The following CDH8 variants were observed in gnomAD, a reference collection of about 807,000 sequenced individuals.
CDH8 encodes the protein cadherin-8.
In CDH8, 17 loss-of-function variants were observed where a neutral mutation model predicts 68.1. The ratio of observed to expected loss-of-function variants is 0.25; its 90% CI spans 0.17 to 0.37. CDH8 has a LOEUF of 0.37. Ranked by LOEUF, CDH8 falls within the 10% of genes least tolerant of loss-of-function variation. The pLI is 1.00. For synonymous variants in CDH8, 372 were observed against 365.1 expected, an observed-to-expected ratio of 1.02 and a Z score of -0.21; for missense variants, 763 against 999.3, an observed-to-expected ratio of 0.76 and a Z score of 3.19.
intron 2 of CDH8, among the ~76,000 whole-genome samples, chr16:61,974,899 G>A (rs1000683972): frequency 5.3e-5 from 8 of 152,126 alleles, no homozygotes; most frequent in African/African-American, 1.9e-4. Flanking sequence ...TTCCTGATAA[G>A]AACATATGGA....
chr16:61,906,720 G>A (rs1964068899), intron 2 of CDH8, among the ~76,000 whole-genome samples: 1 of 152,060 alleles, frequency 6.6e-6, no homozygotes, highest in Admixed American at 6.6e-5. Context: ...ATAAAGGAAT[G>A]GAAAGAAAGG....
chr16:61,965,545 C>A (rs554306276), intron 2 of CDH8, among the ~76,000 whole-genome samples: 1 of 152,284 alleles, frequency 6.6e-6, no homozygotes, highest in African/African-American at 2.4e-5. Flanking sequence ...GTTTCTATGG[C>A]TCTCAGAAAA....
intron 2 of CDH8, among the ~76,000 whole-genome samples, chr16:61,977,832 T>TTAAAA (rs1736844308): frequency 6.6e-6 from 1 of 152,186 alleles, no homozygotes; most frequent in African/African-American, 2.4e-5. Flanking sequence ...TTTAAAAATT[T>TTAAAA]CTTCACAACC....
At chr16:61,920,856 A>C (rs1185786657) in intron 2 of CDH8, among the ~76,000 whole-genome samples, 1 of 107,430 alleles carries the variant, frequency 9.3e-6, no homozygotes, top group African/African-American at 3.7e-5. Flanking sequence ...AACCAACCCA[A>C]ATGTCCAACA....
In CDH8 at chr16:61,652,002, A is replaced by T; in HGVS notation, c.*1606T>A. 7 of 775,782 alleles carry T rather than the reference A, an allele frequency of 9.0e-6. No individual in the cohort carries two copies. Among genetic ancestry groups the T allele is most frequent in the Non-Finnish European group, 1.1e-5 (7 of 638,988 alleles). The allele number at this position is 775,782 out of a possible 1,614,324, so 48.1% of individuals were successfully genotyped here. A position where few individuals can be genotyped will look rare whatever the true frequency, so the allele number is the denominator to read the frequency against. On this transcript the variant is annotated 3_prime_UTR_variant, in exon 12 of 12. Transcript: ENST00000577390. ...CCACTGATTGAAAAAAAAATTAATG[A>T]CAACAAAGGTATTTATAAAAATATA...
rs8050100 is a variant in CDH8 at position 62,032,898 on chromosome 16, C to G, written c.-200+3182G>C. Reference sequence around the variant, plus strand: ...AGCATTAATTTACCTACATTGATGACGTTTTCTGAACAGCTGTTGAAGTGT... The same window carrying G: ...AGCATTAATTTACCTACATTGATGAGGTTTTCTGAACAGCTGTTGAAGTGT... On this transcript the variant is annotated intron_variant, in intron 1 of 11. Transcript: ENST00000577390. 8.7e-3 allele frequency among the ~76,000 whole-genome samples: 1,322 copies of G among 152,168 alleles called. 17 individuals carry two copies. Among genetic ancestry groups the G allele is most frequent in the African/African-American group, 0.03 (1,228 of 41,512 alleles).
At chr16:61,744,192 G>A (rs556606247) in intron 8 of CDH8, among the ~76,000 whole-genome samples, 2 of 152,000 alleles carry the variant, frequency 1.3e-5, no homozygotes, top group Admixed American at 6.6e-5. Flanking sequence ...CTCTATCTTC[G>A]GTTTTTCGGT....
intron 2 of CDH8, among the ~76,000 whole-genome samples, chr16:61,922,128 TC>T (rs1964379452): frequency 6.6e-6 from 1 of 152,204 alleles, no homozygotes. Flanking sequence ...AGTCTCAATT[TC>T]TATTGTTGTG....
intron 2 of CDH8, among the ~76,000 whole-genome samples, chr16:61,987,775 G>C (rs1190854065): frequency 6.6e-6 from 1 of 150,752 alleles, no homozygotes; most frequent in Non-Finnish European, 1.5e-5. Context: ...TCTGAAAATC[G>C]TTCATCCGTA....
chr16:61,714,775 A>G (rs954119333), intron 9 of CDH8, among the ~76,000 whole-genome samples: 1 of 151,674 alleles, frequency 6.6e-6, no homozygotes, highest in African/African-American at 2.4e-5. Context: ...TAATGTAGGA[A>G]AAGTTTGAAT....
At position 61,847,904 on chromosome 16, in the gene CDH8, G is replaced by C. The variant is rs200207483; in HGVS notation, c.667+9215C>G. On this transcript the variant is annotated intron_variant, in intron 4 of 11. Transcript: ENST00000577390. ...CTACACACACACACACACACACACA[G>C]ACAAACACACACACACACACTTTTT... is the stretch of plus-strand genomic sequence containing the variant. Among the ~76,000 whole-genome samples, 593 of 96,314 alleles carry C rather than the reference G, an allele frequency of 6.2e-3. 8 individuals are homozygous for C. The highest frequency in any genetic ancestry group is 0.019 in the Admixed American group (196 of 10,312). The allele number at this position is 96,314 out of a possible 152,430, so 63.2% of individuals were successfully genotyped here.
At chr16:61,989,885 T>G (rs2150588382) in intron 2 of CDH8, among the ~76,000 whole-genome samples, 1 of 152,270 alleles carries the variant, frequency 6.6e-6, no homozygotes, top group South Asian at 2.1e-4. Context: ...GCCCGTGAAT[T>G]TTGTCTTTGG....
intron 2 of CDH8, among the ~76,000 whole-genome samples, chr16:61,942,573 T>C (rs1188386121): frequency 6.6e-6 from 1 of 152,150 alleles, no homozygotes; most frequent in African/African-American, 2.4e-5. Flanking sequence ...TTGATTCACA[T>C]AGTGACCTAT....
intron 2 of CDH8, among the ~76,000 whole-genome samples, chr16:61,939,978 C>T (rs1356654924): frequency 2.0e-5 from 3 of 152,160 alleles, no homozygotes; most frequent in African/African-American, 7.2e-5. Flanking sequence ...AAACATCAAA[C>T]CACTTCCAAC....
chr16:61,788,678 A>G (rs1349621344), intron 8 of CDH8, among the ~76,000 whole-genome samples: 1 of 152,026 alleles, frequency 6.6e-6, no homozygotes, highest in Non-Finnish European at 1.5e-5. Flanking sequence ...AAGTGCAAAG[A>G]AGAAAAAAAA....
chr16:61,979,791 T>C (rs1272521692), intron 2 of CDH8, among the ~76,000 whole-genome samples: 1 of 152,192 alleles, frequency 6.6e-6, no homozygotes, highest in Admixed American at 6.5e-5. Context: ...CAAACATTTA[T>C]TAAGCATGCA....
At chr16:61,809,484 T>C (rs1961887576) in intron 7 of CDH8, among the ~76,000 whole-genome samples, 1 of 152,084 alleles carries the variant, frequency 6.6e-6, no homozygotes, top group Admixed American at 6.5e-5. Context: ...CTAATGCATA[T>C]GGGGCTTAAA....
intron 8 of CDH8, among the ~76,000 whole-genome samples, chr16:61,770,978 G>A (rs1194449067): frequency 6.6e-6 from 1 of 151,828 alleles, no homozygotes; most frequent in Non-Finnish European, 1.5e-5. Flanking sequence ...CTTTAATCTG[G>A]ACTGTACTGA....
intron 3 of CDH8, among the ~76,000 whole-genome samples, chr16:61,883,954 G>GA (rs1343328956): frequency 2.8e-5 from 3 of 106,790 alleles, no homozygotes; most frequent in Non-Finnish European, 1.8e-5. Flanking sequence ...GTAAACAGTA[G>GA]AAGGTTTTTT....
Sources: gnomAD v4.1 joint callset for allele counts (sites outside exome capture counted in the v4.1 genomes callset) on GRCh38, gnomAD v4.1.1 for gene constraint, MANE v1.5 for transcripts, NCBI Gene and HGNC (gene_info 2026-07-23, HGNC 2026-07-21) for gene names.